DPP10: variants seen among roughly 807,000 people sequenced by gnomAD.
DPP10 encodes the protein inactive dipeptidyl peptidase 10.
DPP10 carries 33 observed loss-of-function variants against 120.9 expected under a neutral mutation model. The ratio of observed to expected loss-of-function variants is 0.27; its 90% CI spans 0.21 to 0.37. The LOEUF is 0.37. DPP10 is among the 10% of genes least tolerant of loss of function. The pLI, the probability that DPP10 is intolerant of heterozygous loss-of-function variation, is 1.00. For synonymous variants in DPP10, 337 were observed against 326.1 expected (o/e 1.03, Z -0.36); for missense variants, 816 against 942.8 (o/e 0.87, Z 1.76).
At chr2:115,276,401 C>T (rs1414449140) in intron 1 of DPP10, among the ~76,000 whole-genome samples, 1 of 151,936 alleles carries the variant, frequency 6.6e-6, no homozygotes, top group African/African-American at 2.4e-5. Context: ...GCTAATTTTC[C>T]CTGCATTTTT....
chr2:115,427,294 C>T (rs757837457), intron 3 of DPP10, among the ~76,000 whole-genome samples: 8 of 152,184 alleles, frequency 5.3e-5, no homozygotes, highest in Non-Finnish European at 1.2e-4. Flanking sequence ...GTTCCAACCC[C>T]GCATTTCCCC....
At chr2:114,491,638 A>G (rs1682011581) in intron 1 of DPP10, among the ~76,000 whole-genome samples, 1 of 152,222 alleles carries the variant, frequency 6.6e-6, no homozygotes, top group Non-Finnish European at 1.5e-5. Context: ...TCTCCACCAG[A>G]TACTGCATTT....
chr2:115,579,028 A>C (rs2081857245), intron 5 of DPP10: 2 of 152,192 alleles, frequency 1.3e-5, no homozygotes, highest in African/African-American at 4.8e-5. Flanking sequence ...TGTTTATTAT[A>C]TGTCAGACAC....
intron 1 of DPP10, among the ~76,000 whole-genome samples, chr2:114,995,987 G>C (rs1242698492): frequency 1.3e-5 from 2 of 152,164 alleles, no homozygotes; most frequent in Non-Finnish European, 2.9e-5. Context: ...ACTGTGGAAA[G>C]ACTAGGAATT....
At chr2:114,539,784 G>A (rs1275984098) in intron 1 of DPP10, among the ~76,000 whole-genome samples, 1 of 151,978 alleles carries the variant, frequency 6.6e-6, no homozygotes, top group African/African-American at 2.4e-5. Flanking sequence ...ATGATTACAC[G>A]CAAGAATGAA....
intron 17 of DPP10, among the ~76,000 whole-genome samples, chr2:115,789,104 T>C (rs1559155213): frequency 6.6e-6 from 1 of 151,436 alleles, no homozygotes. Flanking sequence ...GGCAAAAGAA[T>C]GAGACTCCGT....
chr2:115,248,116 A>G (rs772477485), intron 1 of DPP10, among the ~76,000 whole-genome samples: 4 of 152,120 alleles, frequency 2.6e-5, no homozygotes, highest in Non-Finnish European at 5.9e-5. Flanking sequence ...ATTAGGAGGA[A>G]TTTCTGTATA....
At chr2:114,588,240 G>A (rs17048489) in intron 1 of DPP10, among the ~76,000 whole-genome samples, 40,105 of 152,012 alleles carry the variant, frequency 0.26, 5,368 homozygotes, top group Non-Finnish European at 0.28. Flanking sequence ...ATACAAAGGC[G>A]TAACTCATGA....
chr2:115,067,993 C>T (rs944640632), intron 1 of DPP10, among the ~76,000 whole-genome samples: 1 of 151,428 alleles, frequency 6.6e-6, no homozygotes, highest in African/African-American at 2.4e-5. Context: ...CAGTTGATTC[C>T]GTATCTTGGC....
intron 5 of DPP10, among the ~76,000 whole-genome samples, chr2:115,530,334 C>T (rs1031058084): frequency 5.3e-5 from 8 of 151,932 alleles, no homozygotes; most frequent in African/African-American, 1.9e-4. Context: ...ATATCCACAG[C>T]ATACAACATC....
At chr2:115,240,393 A>G (rs193221206) in intron 1 of DPP10, among the ~76,000 whole-genome samples, 1 of 152,322 alleles carries the variant, frequency 6.6e-6, no homozygotes, top group African/African-American at 2.4e-5. Flanking sequence ...TGACCGCATA[A>G]ATGTCTTCTT....
At chr2:114,982,650 G>C (rs1308991337) in intron 1 of DPP10, among the ~76,000 whole-genome samples, 1 of 151,386 alleles carries the variant, frequency 6.6e-6, no homozygotes, top group Non-Finnish European at 1.5e-5. Flanking sequence ...ACCCAGGCTG[G>C]AGTTCACTGG....
At chr2:115,690,216 C>T (rs2091238311) in intron 7 of DPP10, among the ~76,000 whole-genome samples, 1 of 152,020 alleles carries the variant, frequency 6.6e-6, no homozygotes, top group Non-Finnish European at 1.5e-5. Context: ...GCATACTTTC[C>T]ATTACATAAT....
chr2:115,625,169 A>G (rs1348452560), intron 5 of DPP10, among the ~76,000 whole-genome samples: 2 of 152,160 alleles, frequency 1.3e-5, no homozygotes. Context: ...ACCATACCAT[A>G]TGGATAGGTG....
At chr2:114,758,218 A>G (rs1377927258) in intron 1 of DPP10, among the ~76,000 whole-genome samples, 1 of 152,254 alleles carries the variant, frequency 6.6e-6, no homozygotes, top group Non-Finnish European at 1.5e-5. Flanking sequence ...AGTTTGGTAT[A>G]TGCAGCCTAC....
intron 1 of DPP10, among the ~76,000 whole-genome samples, chr2:114,744,660 G>A (rs879711834): frequency 3.9e-5 from 6 of 152,180 alleles, no homozygotes; most frequent in Admixed American, 3.9e-4. Context: ...GCTATGACCT[G>A]GTGGAATCTT....
intron 5 of DPP10, among the ~76,000 whole-genome samples, chr2:115,613,230 G>C (rs1444093527): frequency 6.6e-6 from 1 of 152,156 alleles, no homozygotes; most frequent in African/African-American, 2.4e-5. Flanking sequence ...GCATGGTATT[G>C]TGTGATTTGG....
intron 5 of DPP10, among the ~76,000 whole-genome samples, chr2:115,577,323 C>T (rs750849873): frequency 6.6e-6 from 1 of 152,178 alleles, no homozygotes; most frequent in African/African-American, 2.4e-5. Context: ...AGCAAGAAGG[C>T]ATGGGTGGAA....
At chr2:115,587,043 A>AC (rs1277232451) in intron 5 of DPP10, among the ~76,000 whole-genome samples, 1 of 148,916 alleles carries the variant, frequency 6.7e-6, no homozygotes, top group Non-Finnish European at 1.5e-5. Context: ...AAAGTTTATA[A>AC]CCTTTGACCA....
Sources: allele counts gnomAD v4.1 joint callset (sites outside exome capture counted in the v4.1 genomes callset), GRCh38; gene constraint gnomAD v4.1.1; transcripts MANE v1.5; gene names NCBI Gene and HGNC (gene_info 2026-07-23, HGNC 2026-07-21).